MAPRE2: variants seen among roughly 807,000 people sequenced by gnomAD.
MAPRE2 encodes microtubule associated protein RP/EB family member 2, also known as microtubule-associated protein RP/EB family member 2.
In MAPRE2, 13 loss-of-function variants were observed where a neutral mutation model predicts 43.2. That is an observed-to-expected ratio of 0.30 (90% CI 0.20 to 0.48). The LOEUF is 0.48. Ranked by LOEUF, MAPRE2 falls within the 20% of genes least tolerant of loss-of-function variation. MAPRE2 has a pLI of 0.99. For missense variants in MAPRE2, 161 were observed against 400.2 expected (o/e 0.40, Z 5.10); for synonymous variants, 135 against 148.8 (o/e 0.91, Z 0.68).
At chr18:35,045,542 G>C (rs557523458) in intron 1 of MAPRE2, among the ~76,000 whole-genome samples, 88 of 152,278 alleles carry the variant, frequency 5.8e-4, no homozygotes, top group African/African-American at 2.0e-3. Flanking sequence ...AGCTTTGCCA[G>C]TTTTAAAAAA....
intron 4 of MAPRE2, among the ~76,000 whole-genome samples, chr18:35,113,370 G>GCTTA: frequency 1.3e-5 from 2 of 152,174 alleles, no homozygotes; most frequent in Middle Eastern, 6.8e-3. Context: ...TAATTTCTTT[G>GCTTA]CTTACTGAGG....
At chr18:35,005,656 T>A in intron 2 of MAPRE2, 1 of 641,256 alleles carries the variant, frequency 1.6e-6, no homozygotes, top group Non-Finnish European at 2.6e-6. Context: ...AAAATTCCAG[T>A]ACACAATTAA....
At chr18:35,085,647 A>G (rs1410396930) in intron 2 of MAPRE2, among the ~76,000 whole-genome samples, 1 of 152,250 alleles carries the variant, frequency 6.6e-6, no homozygotes, top group Non-Finnish European at 1.5e-5. Flanking sequence ...AGCACTGGCA[A>G]ACATCTTGGT....
intron 2 of MAPRE2, among the ~76,000 whole-genome samples, chr18:35,080,184 T>C (rs1302965729): frequency 6.6e-6 from 1 of 152,200 alleles, no homozygotes; most frequent in Non-Finnish European, 1.5e-5. Context: ...AAGAAGATGG[T>C]GATTTTGAGG....
At chr18:35,095,398 A>ACACACACG (rs1569001480) in intron 2 of MAPRE2, among the ~76,000 whole-genome samples, 2 of 118,824 alleles carry the variant, frequency 1.7e-5, no homozygotes, top group Non-Finnish European at 3.3e-5. Flanking sequence ...ACACACACAC[A>ACACACACG]CACGCACACA....
chr18:35,023,465 T>C (rs1277311205), intron 2 of MAPRE2, among the ~76,000 whole-genome samples: 1 of 151,612 alleles, frequency 6.6e-6, no homozygotes, highest in Non-Finnish European at 1.5e-5. Context: ...TGAGCAGAGA[T>C]TGCGCCACTG....
At chr18:35,027,745 T>A (rs2097046006) in intron 2 of MAPRE2, among the ~76,000 whole-genome samples, 1 of 152,254 alleles carries the variant, frequency 6.6e-6, no homozygotes, top group Non-Finnish European at 1.5e-5. Flanking sequence ...AAAATAACCA[T>A]TTGTCCTACA....
chr18:34,985,107 A>AATATT (rs2097018877), intron 1 of MAPRE2, among the ~76,000 whole-genome samples: 1 of 87,652 alleles, frequency 1.1e-5, no homozygotes, highest in Non-Finnish European at 1.9e-5. Flanking sequence ...ATAATATATA[A>AATATT]ATATTATATA....
At chr18:35,003,871 A>C (rs2097030532) in intron 1 of MAPRE2, among the ~76,000 whole-genome samples, 3 of 152,266 alleles carry the variant, frequency 2.0e-5, no homozygotes, top group Admixed American at 6.5e-5. Context: ...TTGTAGAAAG[A>C]TATAACGTAT....
intron 2 of MAPRE2, among the ~76,000 whole-genome samples, chr18:35,011,298 A>T (rs1176902843): frequency 2.6e-5 from 4 of 152,198 alleles, no homozygotes; most frequent in Non-Finnish European, 4.4e-5. Context: ...AGAGCTAGCC[A>T]AGTGTTGGGG....
chr18:35,057,328 TG>T (rs1205257126), intron 1 of MAPRE2, among the ~76,000 whole-genome samples: 1 of 152,188 alleles, frequency 6.6e-6, no homozygotes, highest in African/African-American at 2.4e-5. Context: ...TTTCTATACC[TG>T]ATTTGGTTCA....
At chr18:35,088,580 A>G (rs1178272062) in intron 2 of MAPRE2, among the ~76,000 whole-genome samples, 1 of 152,198 alleles carries the variant, frequency 6.6e-6, no homozygotes, top group African/African-American at 2.4e-5. Flanking sequence ...TTTATTCAAA[A>G]TGTACCTCAC....
chr18:35,079,791 G>A (rs1907545891), intron 2 of MAPRE2, among the ~76,000 whole-genome samples: 1 of 152,232 alleles, frequency 6.6e-6, no homozygotes, highest in African/African-American at 2.4e-5. Context: ...CTTCGTAGAG[G>A]AGGTGATGTT....
In MAPRE2 at chr18:35,088,523, A is replaced by T. The variant is rs147325401; in HGVS notation, c.251-8923A>T. 9.8e-5 allele frequency among the ~76,000 whole-genome samples: 15 copies of T among 152,312 alleles called. No homozygotes were observed. In the East Asian group the frequency reaches 1.2e-3, roughly 12 times the overall value. On this transcript the variant is annotated intron_variant, in intron 2 of 6. Transcript: ENST00000300249. ...CTGTGATATTCTTAGCAGGAGAGGG[A>T]TGTGATCTGAATAAGGGTAACCGTG... is the stretch of plus-strand genomic sequence containing the variant.
At chr18:35,002,633 G>A (rs1161362595) in intron 1 of MAPRE2, among the ~76,000 whole-genome samples, 1 of 152,018 alleles carries the variant, frequency 6.6e-6, no homozygotes, top group Admixed American at 6.5e-5. Context: ...GTCTCATGTA[G>A]TTTTAATTTT....
chr18:35,093,902 C>T (rs1908279682), intron 2 of MAPRE2, among the ~76,000 whole-genome samples: 1 of 152,140 alleles, frequency 6.6e-6, no homozygotes, highest in African/African-American at 2.4e-5. Flanking sequence ...ATTTCATATT[C>T]CCCTTGCTCT....
chr18:35,111,113 G>A (rs1909155758), intron 4 of MAPRE2, among the ~76,000 whole-genome samples: 2 of 152,052 alleles, frequency 1.3e-5, no homozygotes, highest in Non-Finnish European at 1.5e-5. Context: ...AGTCCCTGAG[G>A]CACAGTTGAT....
intron 2 of MAPRE2, among the ~76,000 whole-genome samples, chr18:35,017,573 T>TGC (rs1433206733): frequency 1.8e-4 from 27 of 151,140 alleles, no homozygotes; most frequent in Admixed American, 1.5e-3. Flanking sequence ...GTTTTTTGTT[T>TGC]TTTTTTTACA....
chr18:35,109,263 CAGAT>C (rs1270091600), intron 4 of MAPRE2, among the ~76,000 whole-genome samples: 1 of 152,142 alleles, frequency 6.6e-6, no homozygotes, highest in East Asian at 1.9e-4. Context: ...TGTCAAAGAT[CAGAT>C]GGTTGTAGAT....
Sources: allele counts gnomAD v4.1 joint callset (sites outside exome capture counted in the v4.1 genomes callset), GRCh38; gene constraint gnomAD v4.1.1; transcripts MANE v1.5; gene names NCBI Gene and HGNC (gene_info 2026-07-23, HGNC 2026-07-21).